EVL: variants seen among roughly 807,000 people sequenced by gnomAD.
The protein encoded by EVL is Enah/Vasp-like, also known as ena/VASP-like protein.
In EVL, 21 loss-of-function variants were observed where a neutral mutation model predicts 59.6. The ratio of observed to expected loss-of-function variants is 0.35; its 90% confidence interval spans 0.25 to 0.51. EVL has a LOEUF of 0.51. Among genes scored for constraint, EVL ranks in the 20% least tolerant of loss-of-function variants. EVL has a pLI of 0.97. For missense variants in EVL, 462 were observed against 546.6 expected (o/e 0.85, Z 1.54); for synonymous variants, 198 against 203.5 (o/e 0.97, Z 0.23).
intron 1 of EVL, chr14:100,074,364 C>T (rs1423351746): frequency 6.6e-6 from 1 of 152,188 alleles, no homozygotes; most frequent in African/African-American, 2.4e-5. Flanking sequence ...TTCCAGCCAA[C>T]ATTGTCCTTT....
chr14:100,001,570 G>C (rs1027800269), intron 1 of EVL, among the ~76,000 whole-genome samples: 1 of 152,194 alleles, frequency 6.6e-6, no homozygotes, highest in Non-Finnish European at 1.5e-5. Context: ...ATTGGCTTTG[G>C]TGGAACTTTG....
At chr14:100,047,128 T>C in intron 1 of EVL, among the ~76,000 whole-genome samples, 1 of 141,014 alleles carries the variant, frequency 7.1e-6, no homozygotes, top group Non-Finnish European at 1.5e-5. Flanking sequence ...CTTTTTTTTT[T>C]TTTTTTTTTT....
intron 1 of EVL, among the ~76,000 whole-genome samples, chr14:100,084,021 G>A (rs560452269): frequency 6.6e-6 from 1 of 150,406 alleles, no homozygotes; most frequent in East Asian, 2.0e-4. Context: ...ATGAAGCTTA[G>A]ATGCTTTAAT....
chr14:100,048,608 A>G (rs1381856625), intron 1 of EVL, among the ~76,000 whole-genome samples: 1 of 152,198 alleles, frequency 6.6e-6, no homozygotes, highest in African/African-American at 2.4e-5. Flanking sequence ...ATAACCCAGC[A>G]ATCCTACATA....
chr14:100,070,962 G>A (rs530954867), intron 1 of EVL, among the ~76,000 whole-genome samples: 50 of 152,290 alleles, frequency 3.3e-4, no homozygotes, highest in Admixed American at 6.5e-4. Flanking sequence ...CTACGCCGGT[G>A]GCCTTGAAAG....
chr14:100,046,842 T>A (rs2061556211), intron 1 of EVL, among the ~76,000 whole-genome samples: 1 of 147,166 alleles, frequency 6.8e-6, no homozygotes, highest in South Asian at 2.2e-4. Context: ...AACCTCCGCC[T>A]CCTGGGTTCA....
At chr14:100,052,636 C>T (rs2061664705) in intron 1 of EVL, among the ~76,000 whole-genome samples, 1 of 151,840 alleles carries the variant, frequency 6.6e-6, no homozygotes, top group Non-Finnish European at 1.5e-5. Context: ...ACCTGTAGCC[C>T]CAGCTACTTG....
chr14:100,051,921 C>T (rs1157280615), intron 1 of EVL, among the ~76,000 whole-genome samples: 1 of 152,184 alleles, frequency 6.6e-6, no homozygotes, highest in East Asian at 1.9e-4. Context: ...TATCACTGAC[C>T]CCTTCCACAT....
intron 1 of EVL, among the ~76,000 whole-genome samples, chr14:100,048,394 A>G (rs1186826411): frequency 2.0e-5 from 3 of 152,220 alleles, no homozygotes; most frequent in Admixed American, 6.5e-5. Context: ...GAGAAGATGC[A>G]TGACATCATT....
intron 1 of EVL, among the ~76,000 whole-genome samples, chr14:100,056,110 C>T (rs1192562545): frequency 6.6e-6 from 1 of 151,716 alleles, no homozygotes; most frequent in East Asian, 1.9e-4. Flanking sequence ...GCGCCTGGCC[C>T]ACGTTGTTTT....
chr14:100,005,031 T>G (rs2060969595), intron 1 of EVL, among the ~76,000 whole-genome samples: 2 of 152,242 alleles, frequency 1.3e-5, no homozygotes, highest in East Asian at 1.9e-4. Context: ...TTACCTAGAT[T>G]ACTTATGAAA....
At chr14:100,046,359 G>A (rs2061545714) in intron 1 of EVL, among the ~76,000 whole-genome samples, 1 of 152,172 alleles carries the variant, frequency 6.6e-6, no homozygotes, top group African/African-American at 2.4e-5. Flanking sequence ...AGCAAACACA[G>A]TGTTGACTAA....
chr14:100,131,425 G>A (rs987681234), intron 7 of EVL, among the ~76,000 whole-genome samples: 6 of 152,358 alleles, frequency 3.9e-5, no homozygotes, highest in East Asian at 3.9e-4. Flanking sequence ...GGGTGGAGCC[G>A]ACGATGAAAG....
intron 1 of EVL, among the ~76,000 whole-genome samples, chr14:100,036,063 G>T (rs994682078): frequency 2.6e-5 from 4 of 152,216 alleles, no homozygotes; most frequent in Non-Finnish European, 4.4e-5. Flanking sequence ...GTGAGCAGTG[G>T]TGAGCATTAC....
rs1353758582 is a variant in EVL, at chr14:100,123,566, A to T, written c.386A>T (p.Asn129Ile). 1.2e-6 allele frequency: 2 copies of T among 1,614,114 alleles called. No individual in the cohort carries two copies. Among genetic ancestry groups the T allele is most frequent in the Non-Finnish European group, 1.7e-6 (2 of 1,180,000 alleles). The change falls in exon 4 of 14, where the codon AAT (asparagine) becomes ATT (isoleucine). Residue 129 changes from asparagine (N) to isoleucine (I), a missense_variant. Coordinates refer to ENST00000392920, the MANE Select transcript of EVL (RefSeq NM_016337.3). ...CCCTCCAGCCAGCGTCAGGTGCAGAATGGCCCCTCTCCTGATGAGATGGAC... is the reference window on the plus strand; with the variant it reads ...CCCTCCAGCCAGCGTCAGGTGCAGATTGGCCCCTCTCCTGATGAGATGGAC... Reference protein sequence around the residue: ...GGPSSQRQVQNGPSPDEMDIQ... With the variant: ...GGPSSQRQVQIGPSPDEMDIQ...
At position 100,143,759 on chromosome 14, in the gene EVL, G is replaced by A; in HGVS notation, c.*21G>A. The A allele has an allele frequency of 1.2e-6, 2 of 1,610,120 alleles. No individual in the cohort carries two copies. The highest frequency in any genetic ancestry group is 1.7e-6 in the Non-Finnish European group (2 of 1,178,528). On this transcript the variant is annotated 3_prime_UTR_variant, in exon 14 of 14. Coordinates refer to ENST00000392920, the MANE Select transcript of EVL (RefSeq NM_016337.3). ...CGTAAGGGGCCGGCCTCGCTGCGCT[G>A]ATTCGTCGAGCCCATCCGGCGACAG...
intron 1 of EVL, among the ~76,000 whole-genome samples, chr14:100,082,878 G>C (rs367582823): frequency 4.3e-4 from 65 of 152,310 alleles, no homozygotes; most frequent in African/African-American, 1.5e-3. Context: ...GGCAGGAATG[G>C]GCTGGCACTG....
At chr14:100,128,799 C>A in intron 6 of EVL, 51 bp downstream of exon 6, 2 of 1,495,022 alleles carry the variant, frequency 1.3e-6, no homozygotes, top group Non-Finnish European at 1.8e-6. Flanking sequence ...GACCCTTGTG[C>A]CATCTGCAGA....
At chr14:100,064,613 T>C (rs1442096287), upstream of EVL, among the ~76,000 whole-genome samples, 2 of 152,244 alleles carry the variant, frequency 1.3e-5, no homozygotes, top group African/African-American at 2.4e-5. Context: ...GAGTCAAATA[T>C]GAAGACTTGA....
Sources: gnomAD v4.1 joint callset for allele counts (sites outside exome capture counted in the v4.1 genomes callset) on GRCh38, gnomAD v4.1.1 for gene constraint, MANE v1.5 for transcripts, NCBI Gene and HGNC (gene_info 2026-07-23, HGNC 2026-07-21) for gene names.